MRPL35: variants seen among roughly 807,000 people sequenced by gnomAD.
The protein encoded by MRPL35 is mitochondrial ribosomal protein L35.
In MRPL35, 18 loss-of-function variants were observed where a neutral mutation model predicts 21.6. The ratio of observed to expected loss-of-function variants is 0.83; its 90% CI spans 0.58 to 1.24. The LOEUF (loss-of-function observed/expected upper bound fraction) is 1.24, where lower values mean the gene tolerates loss of function less well. Among genes scored for constraint, MRPL35 ranks in the 50% most tolerant of loss-of-function variants. The pLI is 0.00. For synonymous variants in MRPL35, 87 were observed against 86.9 expected (o/e 1.00, Z -0.01); for missense variants, 223 against 223.2 (o/e 1.00, Z 0.01).
chr2:86,208,668 A>G (rs1673848458), intron 3 of MRPL35, among the ~76,000 whole-genome samples: 1 of 152,090 alleles, frequency 6.6e-6, no homozygotes, highest in Non-Finnish European at 1.5e-5. Flanking sequence ...GTAAAATGAA[A>G]TGGGTGGGTT....
Position 86,213,470 on chromosome 2 carries a change from G to T in MRPL35, c.*2802G>T, listed in dbSNP as rs1057340190. On this transcript the variant is annotated 3_prime_UTR_variant, in exon 4 of 4. Transcript: ENST00000337109. The stretch of plus-strand genomic sequence containing the variant: ...TAGAATACAGGACTAAAAATGCAAA[G>T]AAATTGGGTCTGTGTTTAATTTTGA... 24 of 1,333,820 alleles carry T rather than the reference G, an allele frequency of 1.8e-5. No homozygotes were observed. The African/African-American group carries it at 3.5e-4, about 19-fold the overall frequency. 82.6% of individuals were successfully genotyped at this position (1,333,820 alleles called of 1,614,324 possible). A position where few individuals can be genotyped will look rare whatever the true frequency, so the allele number is the denominator to read the frequency against.
Position 86,210,744 on chromosome 2 carries a change from C to A in MRPL35, c.*76C>A. 4 of 1,476,304 alleles carry A rather than the reference C, an allele frequency of 2.7e-6. No individual in the cohort carries two copies. The highest frequency in any genetic ancestry group is 3.6e-6 in the Non-Finnish European group (4 of 1,109,192). The allele number at this position is 1,476,304 out of a possible 1,614,324, so 91.5% of individuals were successfully genotyped here. On this transcript the variant is annotated 3_prime_UTR_variant, in exon 4 of 4. Coordinates refer to ENST00000337109, the MANE Select transcript of MRPL35 (RefSeq NM_016622.4). ...ATATCTTTGCAAAAATGGATAAGTA[C>A]AAAACTTGATGTAAATTGTACCAAT...
chr2:86,207,041 T>TG, intron 2 of MRPL35, 142 bp from the exon 3 acceptor site: 1 of 779,046 alleles, frequency 1.3e-6, no homozygotes, highest in South Asian at 1.9e-5. Context: ...CTTAATGTCA[T>TG]GGGTCATTGG....
At chr2:86,210,426 C>A in intron 3 of MRPL35, 54 bp from the exon 4 acceptor site, 1 of 1,413,904 alleles carries the variant, frequency 7.1e-7, no homozygotes, top group Non-Finnish European at 9.5e-7. Context: ...TGTGAAGATA[C>A]CTGTTGTTTC....
In MRPL35 at chr2:86,206,298, A is replaced by G. The variant is rs773070903; in HGVS notation, c.233+3A>G. ...CATACCTCAGTGATCCTTAATAGGTAGAGTATATTTCTTTGTGGGGTTTTT... is the reference window on the plus strand; with the variant it reads ...CATACCTCAGTGATCCTTAATAGGTGGAGTATATTTCTTTGTGGGGTTTTT... On this transcript the variant is annotated splice_donor_region_variant and intron_variant, in intron 2 of 3. Transcript: ENST00000337109. The G allele has an allele frequency of 3.1e-6, 5 of 1,593,860 alleles. No homozygotes were observed. Among genetic ancestry groups the G allele is most frequent in the Non-Finnish European group, 4.3e-6 (5 of 1,172,734 alleles).
At position 86,212,280 on chromosome 2, in the gene MRPL35, A is replaced by C; in HGVS notation, c.*1612A>C. The C allele has an allele frequency of 6.8e-7, 1 of 1,470,288 alleles. No homozygotes were observed. Among genetic ancestry groups the C allele is most frequent in the Non-Finnish European group, 9.0e-7 (1 of 1,107,266 alleles). The allele number at this position is 1,470,288 out of a possible 1,614,324, so 91.1% of individuals were successfully genotyped here. A position where few individuals can be genotyped will look rare whatever the true frequency, so the allele number is the denominator to read the frequency against. On this transcript the variant is annotated 3_prime_UTR_variant, in exon 4 of 4. Transcript: ENST00000337109. ...TTAAAAGGAGAAAGGATAACAATAG[A>C]ATGTTCTAAAACCAGAAGTCCAAGT...
rs750434412 is a variant in MRPL35 at position 86,213,238 on chromosome 2, A to G, written c.*2570A>G. The G allele has an allele frequency of 2.7e-4, 282 of 1,027,018 alleles. 1 individual carries two copies. The Admixed American group carries it at 2.8e-3, about 10-fold the overall frequency. 63.6% of individuals were successfully genotyped at this position (1,027,018 alleles called of 1,614,324 possible). A position where few individuals can be genotyped will look rare whatever the true frequency, so the allele number is the denominator to read the frequency against. ...AAACACTTCTTCATAACACTGTACC[A>G]ATTCAGCTTTTAAATTTTATTACTT... On this transcript the variant is annotated 3_prime_UTR_variant, in exon 4 of 4. Transcript: ENST00000337109.
chr2:86,210,613 G>A lies in MRPL35; in HGVS notation c.512G>A (p.Trp171Ter). 1.2e-6 allele frequency: 2 copies of A among 1,613,654 alleles called. No individual in the cohort carries two copies. Among genetic ancestry groups the A allele is most frequent in the East Asian group, 2.2e-5 (1 of 44,868 alleles). The stretch of plus-strand genomic sequence containing the variant: ...ACGTCCTTCTGGAAGAGGCGAAACT[G>A]GTACGTTGATGATCCTTATCAGAAG... The part of the protein sequence containing the change: ...MTTSFWKRRN[W>*]YVDDPYQKYH... Residue 171 changes from tryptophan to a stop codon, truncating the protein, a stop_gained, in exon 4 of 4, where the codon TGG (tryptophan) becomes TAG (stop). Coordinates refer to ENST00000337109, the MANE Select transcript of MRPL35 (RefSeq NM_016622.4). LOFTEE classifies it high-confidence loss of function.
At chr2:86,210,340 T>A in intron 3 of MRPL35, 140 bp from the exon 4 acceptor site, 3 of 212,208 alleles carry the variant, frequency 1.4e-5, no homozygotes, top group Non-Finnish European at 2.5e-5. Flanking sequence ...CCATTGAGAA[T>A]CACATCTTTC....
chr2:86,211,264 G>A lies in MRPL35; in HGVS notation c.*596G>A, dbSNP rs763187503. On this transcript the variant is annotated 3_prime_UTR_variant, in exon 4 of 4. Transcript: ENST00000337109. The stretch of plus-strand genomic sequence containing the variant: ...TGTTCCTTTGTAATAACTTTAACTT[G>A]CACCTTTGAGGTTCTTTTCTACATG... The A allele has an allele frequency of 8.4e-5, 76 of 902,206 alleles. No homozygotes were observed. The highest frequency in any genetic ancestry group is 9.9e-5 in the Non-Finnish European group (75 of 754,692). 55.9% of individuals were successfully genotyped at this position (902,206 alleles called of 1,614,324 possible).
chr2:86,212,600 C>T lies in MRPL35; in HGVS notation c.*1932C>T, dbSNP rs1018264502. 9.9e-5 allele frequency: 142 copies of T among 1,439,266 alleles called. No individual in the cohort carries two copies. The highest frequency in any genetic ancestry group is 1.1e-4 in the Non-Finnish European group (126 of 1,097,660). 89.2% of individuals were successfully genotyped at this position (1,439,266 alleles called of 1,614,324 possible). A position where few individuals can be genotyped will look rare whatever the true frequency, so the allele number is the denominator to read the frequency against. On this transcript the variant is annotated 3_prime_UTR_variant, in exon 4 of 4. Transcript: ENST00000337109. The stretch of plus-strand genomic sequence containing the variant: ...TTGCAAATATGGATGACAAGGGTCT[C>T]TGTTACAGGGGCCTCAGAGCACCTT...
At chr2:86,207,643 A>G (rs1375614327) in intron 3 of MRPL35, among the ~76,000 whole-genome samples, 1 of 152,084 alleles carries the variant, frequency 6.6e-6, no homozygotes, top group Non-Finnish European at 1.5e-5. Flanking sequence ...CAAAAAAGAA[A>G]AGAAAAAAGG....
chr2:86,207,422 T>C, intron 3 of MRPL35, 95 bp downstream of exon 3: 1 of 1,406,690 alleles, frequency 7.1e-7, no homozygotes, highest in Non-Finnish European at 9.5e-7. Flanking sequence ...GGGTGGATCA[T>C]AAGGTCAGGA....
In MRPL35 at chr2:86,211,215, C is replaced by G; in HGVS notation, c.*547C>G. The G allele has an allele frequency of 6.3e-6, 6 of 959,450 alleles. No homozygotes were observed. Among genetic ancestry groups the G allele is most frequent in the Non-Finnish European group, 7.4e-6 (6 of 806,438 alleles). The allele number at this position is 959,450 out of a possible 1,614,324, so 59.4% of individuals were successfully genotyped here. A position where few individuals can be genotyped will look rare whatever the true frequency, so the allele number is the denominator to read the frequency against. ...CTCTCTATTCACCAACTTCTCTACACAGCTTTTGCATACTTACAGTTTCTG... is the reference window on the plus strand; with the variant it reads ...CTCTCTATTCACCAACTTCTCTACAGAGCTTTTGCATACTTACAGTTTCTG... On this transcript the variant is annotated 3_prime_UTR_variant, in exon 4 of 4. Coordinates refer to ENST00000337109, the MANE Select transcript of MRPL35 (RefSeq NM_016622.4).
At chr2:86,203,887 A>G (rs57523924) in intron 1 of MRPL35, among the ~76,000 whole-genome samples, 3,562 of 152,280 alleles carry the variant, frequency 0.023, 149 homozygotes, top group African/African-American at 0.081. Flanking sequence ...GCACTTCTAT[A>G]TCAACATGGC....
At position 86,213,125 on chromosome 2, in the gene MRPL35, TC is replaced by T; in HGVS notation, c.*2459del. On this transcript the variant is annotated 3_prime_UTR_variant, in exon 4 of 4. Transcript: ENST00000337109. ...AGAATCTCAGTCTCACTCCTTGGGA[TC>T]CTGTGTATTTCCCTGAGTCTTCTAA... The T allele has an allele frequency of 1.0e-6, 1 of 986,040 alleles. No individual in the cohort carries two copies. Among genetic ancestry groups the T allele is most frequent in the Non-Finnish European group, 1.2e-6 (1 of 830,366 alleles). The allele number at this position is 986,040 out of a possible 1,614,324, so 61.1% of individuals were successfully genotyped here.
rs755443122 is a variant in MRPL35 at position 86,207,198 on chromosome 2, TC to T, written c.251del (p.Pro84GlnfsTer4). ...ATATTTTTAGAATGGCCCCCGTGCT[TC>T]CAAGTGTCCTGAAGCTGCCAGTCAG... is the stretch of plus-strand genomic sequence containing the variant. ...VILNRMAPVLPSVLKLPVRSL... is the reference protein window; with the variant it reads ...VILNRMAPVLXSVLKLPVRSL... On this transcript the variant is annotated frameshift_variant, in exon 3 of 4. Transcript: ENST00000337109. LOFTEE classifies it high-confidence loss of function. The T allele has an allele frequency of 9.3e-6, 15 of 1,612,002 alleles. No individual in the cohort carries two copies. Among genetic ancestry groups the T allele is most frequent in the Admixed American group, 5.0e-5 (3 of 59,826 alleles).
At chr2:86,200,649 G>A (rs1440144192) in intron 1 of MRPL35, among the ~76,000 whole-genome samples, 2 of 151,728 alleles carry the variant, frequency 1.3e-5, no homozygotes, top group South Asian at 4.2e-4. Context: ...TTCATTTTGC[G>A]TAGCTGTAAT....
chr2:86,206,428 G>T, intron 2 of MRPL35, 133 bp downstream of exon 2: 1 of 837,664 alleles, frequency 1.2e-6, no homozygotes, highest in Non-Finnish European at 1.8e-6. Flanking sequence ...CACCTCCGGG[G>T]TTCAAGCAAT....
Sources: allele counts gnomAD v4.1 joint callset (sites outside exome capture counted in the v4.1 genomes callset), GRCh38; gene constraint gnomAD v4.1.1; transcripts MANE v1.5; gene names NCBI Gene and HGNC (gene_info 2026-07-23, HGNC 2026-07-21).